BLTP2: variants seen among roughly 807,000 people sequenced by gnomAD.
BLTP2 encodes bridge-like lipid transfer protein family member 2, also known as U937-associated antigen.
chr17:28,632,921 T>A, the BLTP2 span: 2 of 1,486,482 alleles, frequency 1.3e-6, no homozygotes, highest in Non-Finnish European at 9.0e-7. Flanking sequence ...TCCTCCCCAC[T>A]GCCCCAGGCC....
the BLTP2 span, chr17:28,644,153 G>C: frequency 6.2e-7 from 1 of 1,614,174 alleles, no homozygotes; most frequent in African/African-American, 1.3e-5. Context: ...AGCTTCCGCT[G>C]ACACCACTTG....
the BLTP2 span, chr17:28,634,414 C>T: frequency 2.1e-5 from 13 of 619,360 alleles, no homozygotes; most frequent in East Asian, 1.8e-4. Context: ...CCACCCAAAA[C>T]GGCACAGTTC....
chr17:28,628,546 C>T, the BLTP2 span: 15 of 1,613,264 alleles, frequency 9.3e-6, no homozygotes, highest in South Asian at 7.7e-5. Flanking sequence ...ATCCCCATCA[C>T]GAGCAGAGAG....
chr17:28,641,985 C>T, the BLTP2 span: 1 of 1,614,260 alleles, frequency 6.2e-7, no homozygotes, highest in Admixed American at 1.7e-5. Flanking sequence ...AGTGTCCACA[C>T]ATCCACAGTG....
the BLTP2 span, chr17:28,633,876 C>T: frequency 4.3e-6 from 7 of 1,612,154 alleles, no homozygotes; most frequent in Non-Finnish European, 5.9e-6. Context: ...GCCAAACCAA[C>T]TGCCTCATCT....
chr17:28,624,735 T>G, the BLTP2 span, among the ~76,000 whole-genome samples: 2 of 152,212 alleles, frequency 1.3e-5, no homozygotes, highest in African/African-American at 4.8e-5. Flanking sequence ...ATTTGACCAC[T>G]CTTTTCCACT....
the BLTP2 span, chr17:28,637,840 C>A: frequency 3.7e-6 from 6 of 1,613,624 alleles, no homozygotes; most frequent in Non-Finnish European, 5.1e-6. Context: ...ACTTACCAAC[C>A]AAGGCAGAAA....
chr17:28,644,076 C>G, the BLTP2 span: 1 of 1,614,230 alleles, frequency 6.2e-7, no homozygotes, highest in Admixed American at 1.7e-5. Context: ...GCTGGTGTTG[C>G]TGAAACTTAA....
At chr17:28,633,538 A>C in the BLTP2 span, 3 of 1,613,334 alleles carry the variant, frequency 1.9e-6, no homozygotes, top group Non-Finnish European at 2.5e-6. Flanking sequence ...AAGTATCATG[A>C]CACCCCTCAC....
chr17:28,643,925 T>C, the BLTP2 span: 2 of 1,218,424 alleles, frequency 1.6e-6, no homozygotes, highest in South Asian at 1.5e-5. Context: ...TAAGATCATC[T>C]TGGCAAAGAA....
the BLTP2 span, among the ~76,000 whole-genome samples, chr17:28,617,815 A>G: frequency 1.3e-5 from 2 of 152,176 alleles, no homozygotes; most frequent in African/African-American, 4.8e-5. Context: ...GCTGAAGTGC[A>G]GTGACACAAT....
chr17:28,615,796 A>G, the BLTP2 span: 1 of 1,604,280 alleles, frequency 6.2e-7, no homozygotes, highest in East Asian at 2.2e-5. Context: ...TGTTCTTCTC[A>G]CCCTGTAAGA....
At chr17:28,620,137 C>T in the BLTP2 span, 1 of 873,366 alleles carries the variant, frequency 1.1e-6, no homozygotes, top group East Asian at 2.6e-5. Context: ...CTTTATCTGT[C>T]ACTGGTAATA....
chr17:28,631,771 G>C, the BLTP2 span: 1 of 1,604,364 alleles, frequency 6.2e-7, no homozygotes, highest in Admixed American at 1.7e-5. Flanking sequence ...ACTGAGAAGG[G>C]AAAAACAAGG....
At chr17:28,638,502 C>G in the BLTP2 span, 2 of 1,600,036 alleles carry the variant, frequency 1.2e-6, no homozygotes, top group Non-Finnish European at 1.7e-6. Flanking sequence ...ATTCTTGTTC[C>G]TATTCCATCT....
At chr17:28,636,897 A>G in the BLTP2 span, 3 of 1,301,682 alleles carry the variant, frequency 2.3e-6, no homozygotes, top group Non-Finnish European at 3.3e-6. Flanking sequence ...AAAAAAAAAA[A>G]AAGACAGAGA....
At chr17:28,634,783 T>C in the BLTP2 span, 1 of 1,613,982 alleles carries the variant, frequency 6.2e-7, no homozygotes, top group Non-Finnish European at 8.5e-7. Flanking sequence ...CAAAGAGGCA[T>C]AGAGCTCCTC....
the BLTP2 span, chr17:28,645,051 A>T: frequency 1.9e-6 from 3 of 1,599,508 alleles, no homozygotes; most frequent in Non-Finnish European, 2.6e-6. Context: ...AGAAGAACAG[A>T]GGCATTTAGG....
the BLTP2 span, chr17:28,624,414 G>A: frequency 1.9e-6 from 3 of 1,604,502 alleles, no homozygotes; most frequent in Non-Finnish European, 1.7e-6. Flanking sequence ...AGGAAGCAGG[G>A]AAAGGTCACA....
Sources: gnomAD v4.1 joint callset for allele counts (sites outside exome capture counted in the v4.1 genomes callset) on GRCh38, gnomAD v4.1.1 for gene constraint, MANE v1.5 for transcripts, NCBI Gene and HGNC (gene_info 2026-07-23, HGNC 2026-07-21) for gene names.